Variants in TMEM178A observed in about 807,000 individuals in gnomAD.
TMEM178A encodes transmembrane protein 178A, also known as transmembrane protein 178.
A neutral mutation model predicts 29.1 loss-of-function variants in TMEM178A; 12 were observed. That is an observed-to-expected ratio of 0.41 (90% CI 0.26 to 0.67). The LOEUF (loss-of-function observed/expected upper bound fraction) is 0.67. TMEM178A is among the 30% of genes least tolerant of loss of function. TMEM178A has a pLI of 0.29. For synonymous variants in TMEM178A, 210 were observed against 187.2 expected, an observed-to-expected ratio of 1.12 and a Z score of -0.99; for missense variants, 366 against 419.1, an observed-to-expected ratio of 0.87 and a Z score of 1.11.
intron 1 of TMEM178A, among the ~76,000 whole-genome samples, chr2:39,694,871 A>G (rs1445806048): frequency 6.6e-6 from 1 of 152,222 alleles, no homozygotes; most frequent in South Asian, 2.1e-4. Flanking sequence ...ACTAATTAGT[A>G]TCTTTCTCCT....
rs200623818 is a variant in TMEM178A, at chr2:39,707,208, G to A, written c.652+22G>A. 4.3e-4 allele frequency: 695 copies of A among 1,597,850 alleles called. 1 individual carries two copies. Among genetic ancestry groups the A allele is most frequent in the Middle Eastern group, 5.2e-4 (3 of 5,806 alleles). The stretch of plus-strand genomic sequence containing the variant: ...ACAGGTAGGCTGCATGCCTCAGGCC[G>A]TCTGTCCCAGCCAAGGTGAAGGCTG... On this transcript the variant is annotated intron_variant, in intron 3 of 3. Coordinates refer to ENST00000281961, the MANE Select transcript of TMEM178A (RefSeq NM_152390.3).
rs914848330 is a variant in TMEM178A at position 39,716,878 on chromosome 2, A to G, written c.653-132A>G. 5 of 1,157,954 alleles carry G rather than the reference A, an allele frequency of 4.3e-6. No individual in the cohort carries two copies. In the African/African-American group the frequency reaches 7.7e-5, roughly 18 times the overall value. The allele number at this position is 1,157,954 out of a possible 1,614,324, so 71.7% of individuals were successfully genotyped here. A position where few individuals can be genotyped will look rare whatever the true frequency, so the allele number is the denominator to read the frequency against. ...TATATGAATTAATTCAAGTAAAATAATTATGGATCATTTGTGAATTTGGAG... is the reference window on the plus strand; with the variant it reads ...TATATGAATTAATTCAAGTAAAATAGTTATGGATCATTTGTGAATTTGGAG... On this transcript the variant is annotated intron_variant, in intron 3 of 3. Coordinates refer to ENST00000281961, the MANE Select transcript of TMEM178A (RefSeq NM_152390.3).
At chr2:39,667,984 A>G in intron 1 of TMEM178A, among the ~76,000 whole-genome samples, 1 of 152,354 alleles carries the variant, frequency 6.6e-6, no homozygotes, top group Non-Finnish European at 1.5e-5. Flanking sequence ...TGGAAATGAC[A>G]GAACTGCATT....
At chr2:39,671,562 C>T (rs994502978) in intron 1 of TMEM178A, among the ~76,000 whole-genome samples, 3 of 152,126 alleles carry the variant, frequency 2.0e-5, no homozygotes, top group Non-Finnish European at 4.4e-5. Context: ...TTTTCTTTCC[C>T]TCTTTACTTC....
intron 1 of TMEM178A, among the ~76,000 whole-genome samples, chr2:39,667,813 C>T (rs1572640546): frequency 6.6e-6 from 1 of 152,322 alleles, no homozygotes. Context: ...TCTCTCCTAA[C>T]TTGCATCCAA....
chr2:39,665,988 C>T lies in TMEM178A; in HGVS notation c.14C>T (p.Ala5Val), dbSNP rs1318626722. Residue 5 changes from alanine to valine, a missense_variant, in exon 1 of 4, where the codon GCG becomes GTG. This residue lies in a region of TMEM178A where 247 missense variants were observed against 246.8 expected (regional missense o/e 1.00). Transcript: ENST00000281961. MEPRALVTALSLGLS... is the reference protein window; with the variant it reads MEPRVLVTALSLGLS... ...GGGCGGGAAGCCATGGAGCCGCGGG[C>T]GCTCGTCACGGCGCTCAGCCTCGGC... 1.4e-5 allele frequency: 19 copies of T among 1,402,532 alleles called. No individual in the cohort carries two copies. The highest frequency in any genetic ancestry group is 1.7e-5 in the Non-Finnish European group (18 of 1,080,142). 86.9% of individuals were successfully genotyped at this position (1,402,532 alleles called of 1,614,324 possible). A position where few individuals can be genotyped will look rare whatever the true frequency, so the allele number is the denominator to read the frequency against.
intron 1 of TMEM178A, among the ~76,000 whole-genome samples, chr2:39,680,272 C>A (rs1427344445): frequency 6.6e-6 from 1 of 152,166 alleles, no homozygotes; most frequent in Non-Finnish European, 1.5e-5. Context: ...TTAATTAACT[C>A]AGCAAAGTGT....
intron 1 of TMEM178A, among the ~76,000 whole-genome samples, chr2:39,679,680 C>G (rs1000904918): frequency 5.3e-5 from 8 of 152,148 alleles, no homozygotes; most frequent in African/African-American, 1.4e-4. Context: ...AAGACGGAAA[C>G]TCAATATATT....
At chr2:39,702,507 C>G (rs979286980) in intron 1 of TMEM178A, among the ~76,000 whole-genome samples, 3 of 152,028 alleles carry the variant, frequency 2.0e-5, no homozygotes, top group African/African-American at 7.2e-5. Context: ...TAAGCTACTA[C>G]TACATTTGTG....
chr2:39,716,063 A>G (rs966973119), intron 3 of TMEM178A, among the ~76,000 whole-genome samples: 3 of 152,200 alleles, frequency 2.0e-5, no homozygotes, highest in Admixed American at 2.0e-4. Context: ...GTATACAGGG[A>G]TAAACCAGAC....
At chr2:39,710,439 AC>A (rs1441715719) in intron 3 of TMEM178A, among the ~76,000 whole-genome samples, 3 of 152,138 alleles carry the variant, frequency 2.0e-5, no homozygotes, top group Non-Finnish European at 4.4e-5. Context: ...TATTTGCTTC[AC>A]TGTAAAAAAA....
intron 1 of TMEM178A, among the ~76,000 whole-genome samples, chr2:39,666,966 C>T (rs1303994239): frequency 6.6e-6 from 1 of 152,208 alleles, no homozygotes; most frequent in Non-Finnish European, 1.5e-5. Flanking sequence ...GGCCCCGGAA[C>T]CTTCCTTCAT....
downstream of TMEM178A, among the ~76,000 whole-genome samples, chr2:39,720,225 G>A (rs940501795): frequency 7.2e-5 from 11 of 152,092 alleles, no homozygotes; most frequent in Admixed American, 5.9e-4. Context: ...TGCAAGGGCC[G>A]GGTGGGGGGT....
At chr2:39,675,462 T>A (rs150110888) in intron 1 of TMEM178A, among the ~76,000 whole-genome samples, 1,869 of 152,194 alleles carry the variant, frequency 0.012, 78 homozygotes, top group Admixed American at 0.083. Flanking sequence ...AATAAATAGG[T>A]CTGAGAGCCA....
intron 1 of TMEM178A, among the ~76,000 whole-genome samples, chr2:39,676,145 A>G (rs1220850678): frequency 1.3e-5 from 2 of 152,222 alleles, no homozygotes; most frequent in Non-Finnish European, 2.9e-5. Flanking sequence ...TAATTTTAAA[A>G]TATGTAGTTG....
downstream of TMEM178A, among the ~76,000 whole-genome samples, chr2:39,719,405 AT>A (rs1672658300): frequency 6.6e-6 from 1 of 152,196 alleles, no homozygotes; most frequent in Admixed American, 6.5e-5. Flanking sequence ...CACCAGAAAG[AT>A]TTGCCTCGAA....
the TMEM178A span, among the ~76,000 whole-genome samples, chr2:39,733,423 C>A: frequency 1.3e-5 from 2 of 152,136 alleles, no homozygotes; most frequent in East Asian, 1.9e-4. Flanking sequence ...GAACAAGGTG[C>A]GGAATAAGGC....
At chr2:39,681,718 A>G (rs1670877433) in intron 1 of TMEM178A, among the ~76,000 whole-genome samples, 1 of 152,246 alleles carries the variant, frequency 6.6e-6, no homozygotes, top group East Asian at 1.9e-4. Flanking sequence ...ACTCTGTAGT[A>G]GCCATATGAT....
intron 2 of TMEM178A, among the ~76,000 whole-genome samples, 200 bp from the exon 3 acceptor site, chr2:39,706,849 G>T (rs766805207): frequency 1.6e-4 from 25 of 152,194 alleles, no homozygotes; most frequent in Admixed American, 6.5e-5. Context: ...GGTATAGTCT[G>T]ACCCTCCATT....
Sources: allele counts gnomAD v4.1 joint callset (sites outside exome capture counted in the v4.1 genomes callset), GRCh38; gene constraint gnomAD v4.1.1; regional missense constraint gnomAD v4.1.1; transcripts MANE v1.5; gene names NCBI Gene and HGNC (gene_info 2026-07-23, HGNC 2026-07-21).